EHBP1: variants seen among roughly 807,000 people sequenced by gnomAD.
EHBP1 encodes EH domain-binding protein 1.
EHBP1 carries 55 observed loss-of-function variants against 144.0 expected under a neutral mutation model. The ratio of observed to expected loss-of-function variants is 0.38; its 90% CI spans 0.31 to 0.48. The LOEUF (loss-of-function observed/expected upper bound fraction) is 0.48. Among genes scored for constraint, EHBP1 ranks in the 20% least tolerant of loss-of-function variants. The pLI, the probability that EHBP1 is intolerant of heterozygous loss-of-function variation, is 0.98. For missense variants in EHBP1, 1,200 were observed against 1,364.2 expected (o/e 0.88, Z 1.90); for synonymous variants, 469 against 472.7 (o/e 0.99, Z 0.10).
chr2:62,732,160 C>G (rs2037664342), intron 2 of EHBP1, among the ~76,000 whole-genome samples: 1 of 151,940 alleles, frequency 6.6e-6, no homozygotes, highest in Admixed American at 6.6e-5. Flanking sequence ...TCAATATTTT[C>G]CTTTGTGTTT....
chr2:62,757,559 G>A (rs765287770), intron 3 of EHBP1, among the ~76,000 whole-genome samples: 1 of 150,008 alleles, frequency 6.7e-6, no homozygotes, highest in Non-Finnish European at 1.5e-5. Flanking sequence ...TTAGTCTCCC[G>A]AGTAGCTGGG....
intron 15 of EHBP1, among the ~76,000 whole-genome samples, chr2:62,990,235 T>A (rs1364087953): frequency 6.6e-6 from 1 of 152,148 alleles, no homozygotes; most frequent in African/African-American, 2.4e-5. Flanking sequence ...AAACACTGGA[T>A]TCTAATAGTA....
intron 10 of EHBP1, among the ~76,000 whole-genome samples, chr2:62,907,405 C>G (rs1002143487): frequency 1.3e-5 from 2 of 152,206 alleles, no homozygotes; most frequent in Admixed American, 1.3e-4. Flanking sequence ...TGAACTCTCT[C>G]TTAATCATCT....
chr2:62,959,979 T>C (rs12987254), intron 14 of EHBP1, among the ~76,000 whole-genome samples: 24,263 of 152,142 alleles, frequency 0.16, 2,306 homozygotes, highest in Middle Eastern at 0.35. Flanking sequence ...TACAGTTAGC[T>C]ACTTGTGAGA....
chr2:62,706,980 G>T lies in EHBP1; in HGVS notation c.-212G>T. On this transcript the variant is annotated 5_prime_UTR_variant, in exon 2 of 23. Coordinates refer to ENST00000431489, the MANE Select transcript of EHBP1 (RefSeq NM_001142616.3). Reference sequence around the variant, plus strand: ...AACCCCTTCCCACTCATCCTGTCACGTATATCATAGTGTTCTTGACTGGGC... The same window carrying T: ...AACCCCTTCCCACTCATCCTGTCACTTATATCATAGTGTTCTTGACTGGGC... 1.9e-6 allele frequency: 1 copy of T among 515,784 alleles called. No homozygotes were observed. The highest frequency in any genetic ancestry group is 3.5e-6 in the Non-Finnish European group (1 of 284,160). 32.0% of individuals were successfully genotyped at this position (515,784 alleles called of 1,614,324 possible). A position where few individuals can be genotyped will look rare whatever the true frequency, so the allele number is the denominator to read the frequency against.
chr2:62,755,577 A>G (rs2152268481), intron 3 of EHBP1, among the ~76,000 whole-genome samples: 1 of 152,272 alleles, frequency 6.6e-6, no homozygotes. Flanking sequence ...ATTGCCACGC[A>G]CTCTCACCAG....
chr2:62,949,303 T>C lies in EHBP1; in HGVS notation c.2316+141T>C, dbSNP rs545303264. The C allele has an allele frequency of 1.3e-5, 10 of 755,404 alleles. No individual in the cohort carries two copies. In the East Asian group the frequency reaches 2.9e-4, roughly 22 times the overall value. 46.8% of individuals were successfully genotyped at this position (755,404 alleles called of 1,614,324 possible). On this transcript the variant is annotated intron_variant, in intron 13 of 22. Transcript: ENST00000431489. ...TAAAAACTCCTGAGGCATGTAGTAA[T>C]GTGTGCCTAAGTCCCCACTATTTGG... is the stretch of plus-strand genomic sequence containing the variant.
chr2:62,854,865 G>T (rs935363438), intron 7 of EHBP1, among the ~76,000 whole-genome samples: 1 of 152,202 alleles, frequency 6.6e-6, no homozygotes. Flanking sequence ...ACAAGCAGGA[G>T]CCCCGCCCCT....
Position 63,037,555 on chromosome 2 carries a change from G to A in EHBP1, c.3124G>A (p.Glu1042Lys). The A allele has an allele frequency of 6.2e-7, 1 of 1,606,996 alleles. No homozygotes were observed. Among genetic ancestry groups the A allele is most frequent in the South Asian group, 1.1e-5 (1 of 89,482 alleles). ...MDTGRNTEEE[E>K]AMMQEWFMLV... ...TATAGGAAGGAACACAGAAGAAGAAGAAGCTATGATGCAGGAATGGTTTAT... is the reference window on the plus strand; with the variant it reads ...TATAGGAAGGAACACAGAAGAAGAAAAAGCTATGATGCAGGAATGGTTTAT... Residue 1042 changes from glutamate (E) to lysine (K), a missense_variant, in exon 20 of 23, where the codon GAA becomes AAA. Physicochemically the swap from Glu to Lys is moderately conservative, Grantham distance 56. Transcript: ENST00000431489.
At chr2:62,950,701 T>G (rs1053009617) in intron 13 of EHBP1, among the ~76,000 whole-genome samples, 2 of 152,138 alleles carry the variant, frequency 1.3e-5, no homozygotes, top group Non-Finnish European at 2.9e-5. Context: ...TTCTTTTTTT[T>G]TGAAACAGAG....
intron 10 of EHBP1, among the ~76,000 whole-genome samples, chr2:62,924,750 G>A (rs956632004): frequency 1.1e-4 from 16 of 152,096 alleles, no homozygotes; most frequent in African/African-American, 3.6e-4. Flanking sequence ...AGATGGCTTC[G>A]TTGCTGAATT....
intron 1 of EHBP1, among the ~76,000 whole-genome samples, chr2:62,676,570 C>G (rs998917298): frequency 1.3e-5 from 2 of 152,274 alleles, no homozygotes; most frequent in East Asian, 3.9e-4. Context: ...CATGATCCTG[C>G]GGGACTGTGT....
chr2:62,722,590 A>T (rs975736591), intron 2 of EHBP1, among the ~76,000 whole-genome samples: 2 of 152,208 alleles, frequency 1.3e-5, no homozygotes, highest in African/African-American at 4.8e-5. Context: ...TTTCCTCCCT[A>T]GACCAGGATC....
chr2:62,708,155 T>C (rs1214457847), intron 2 of EHBP1, among the ~76,000 whole-genome samples: 2 of 152,186 alleles, frequency 1.3e-5, no homozygotes, highest in African/African-American at 4.8e-5. Flanking sequence ...AATTTTTCTT[T>C]TTAACATCCA....
At chr2:62,809,941 A>G (rs2152527261) in intron 5 of EHBP1, among the ~76,000 whole-genome samples, 1 of 152,342 alleles carries the variant, frequency 6.6e-6, no homozygotes, top group African/African-American at 2.4e-5. Flanking sequence ...TCTAAGAGTG[A>G]CAAACTCAAA....
intron 3 of EHBP1, among the ~76,000 whole-genome samples, chr2:62,753,224 T>A (rs1051916139): frequency 6.6e-6 from 1 of 152,174 alleles, no homozygotes; most frequent in Non-Finnish European, 1.5e-5. Flanking sequence ...CAGCATTTGC[T>A]TGTCTGTAAA....
upstream of EHBP1, among the ~76,000 whole-genome samples, chr2:62,704,343 T>C (rs918283986): frequency 6.6e-6 from 1 of 152,238 alleles, no homozygotes; most frequent in African/African-American, 2.4e-5. Context: ...CCCATCTCTC[T>C]TGATTCTTCA....
intron 19 of EHBP1, among the ~76,000 whole-genome samples, chr2:63,016,666 G>T (rs2060498626): frequency 6.6e-6 from 1 of 152,006 alleles, no homozygotes; most frequent in African/African-American, 2.4e-5. Flanking sequence ...CCTGAGCTCA[G>T]GTGATCCACC....
chr2:62,815,628 C>G (rs1297144697), intron 5 of EHBP1, among the ~76,000 whole-genome samples: 1 of 152,134 alleles, frequency 6.6e-6, no homozygotes, highest in Non-Finnish European at 1.5e-5. Flanking sequence ...TGGTTATTCA[C>G]CCTTGGGTAT....
Sources: gnomAD v4.1 joint callset for allele counts (sites outside exome capture counted in the v4.1 genomes callset) on GRCh38, gnomAD v4.1.1 for gene constraint, MANE v1.5 for transcripts, NCBI Gene and HGNC (gene_info 2026-07-23, HGNC 2026-07-21) for gene names.